RFX1: variants seen among roughly 807,000 people sequenced by gnomAD.
RFX1 encodes MHC class II regulatory factor RFX1.
RFX1 carries 42 observed loss-of-function variants against 119.6 expected under a neutral mutation model. The observed-to-expected ratio is 0.35, with a 90% CI of 0.27 to 0.45. The LOEUF (loss-of-function observed/expected upper bound fraction) is 0.45. RFX1 is among the 20% of genes least tolerant of loss of function. The pLI, the probability that RFX1 is intolerant of heterozygous loss-of-function variation, is 1.00. For synonymous variants in RFX1, 628 were observed against 618.5 expected (o/e 1.02, Z -0.23); for missense variants, 1,118 against 1,368.1 (o/e 0.82, Z 2.88).
At chr19:13,978,112 G>A in intron 7 of RFX1, 26 bp from the exon 8 acceptor site, 1 of 1,573,122 alleles carries the variant, frequency 6.4e-7, no homozygotes, top group Non-Finnish European at 8.7e-7. Flanking sequence ...GGCACGTGGA[G>A]GGTCAGGGGT....
chr19:13,995,661 G>A (rs1428089889), intron 1 of RFX1, among the ~76,000 whole-genome samples: 1 of 152,078 alleles, frequency 6.6e-6, no homozygotes, highest in Non-Finnish European at 1.5e-5. Context: ...GACCAGCCTG[G>A]TCAACATGGC....
In RFX1 at chr19:13,966,129, C is replaced by T. The variant is rs1973888754; in HGVS notation, c.1961+292G>A. Among the ~76,000 whole-genome samples the T allele has an allele frequency of 1.3e-5, 2 of 152,090 alleles. No individual in the cohort carries two copies. The highest frequency in any genetic ancestry group is 2.4e-5 in the African/African-American group (1 of 41,402). On this transcript the variant is annotated intron_variant, in intron 14 of 20. Transcript: ENST00000254325. The surrounding 1 kb of genome is among the most constrained non-coding windows in gnomAD (Gnocchi z 6.3). ...CCCCAGGGTCTGGTTGGCACAGGCC[C>T]GAGGGGTGGGACGGGATCCTATGCC...
In RFX1 at chr19:13,965,995, C is replaced by A. The variant is rs1249068042; in HGVS notation, c.1962-218G>T. On this transcript the variant is annotated intron_variant, in intron 14 of 20. Transcript: ENST00000254325. This position sits in a 1 kb window ranked among gnomAD's most constrained non-coding sequence, Gnocchi z 4.7. ...TCCAGTGCCAGAAGGCACAGGTATA[C>A]CTTGTCCCCAACCCAGGGTCACTGG... 6.6e-6 allele frequency among the ~76,000 whole-genome samples: 1 copy of A among 151,966 alleles called. No homozygotes were observed. The highest frequency in any genetic ancestry group is 1.5e-5 in the Non-Finnish European group (1 of 67,944).
intron 8 of RFX1, among the ~76,000 whole-genome samples, chr19:13,974,563 G>A (rs999165162): frequency 3.3e-5 from 5 of 152,318 alleles, no homozygotes; most frequent in Non-Finnish European, 7.3e-5. Flanking sequence ...ATAAGAGGCA[G>A]AGAAGAGTGG....
At position 13,984,423 on chromosome 19, in the gene RFX1, C is replaced by A. The variant is rs145511809; in HGVS notation, c.320-828G>T. Among the ~76,000 whole-genome samples the A allele has an allele frequency of 3.8e-3, 576 of 152,240 alleles. 5 individuals carry two copies. The highest frequency in any genetic ancestry group is 0.013 in the African/African-American group (545 of 41,546). On this transcript the variant is annotated intron_variant, in intron 2 of 20. Transcript: ENST00000254325. ...CCTCCCCAGCAAAGCGGGGCCTTCG[C>A]GGGGCTGGGGCAGCGCTGCGGGGTG...
Position 13,986,810 on chromosome 19 carries a change from C to G in RFX1, c.320-3215G>C, listed in dbSNP as rs756882113. 1.2e-4 allele frequency among the ~76,000 whole-genome samples: 18 copies of G among 152,120 alleles called. No individual in the cohort carries two copies. Among genetic ancestry groups the G allele is most frequent in the Non-Finnish European group, 2.4e-4 (16 of 68,000 alleles). On this transcript the variant is annotated intron_variant, in intron 2 of 20. Coordinates refer to ENST00000254325, the MANE Select transcript of RFX1 (RefSeq NM_002918.5). The surrounding 1 kb of genome is among the most constrained non-coding windows in gnomAD (Gnocchi z 4.2). The stretch of plus-strand genomic sequence containing the variant: ...ACCTACTCAAACCTTAAATGAGCTA[C>G]TTGGGGGAGCCCAGGGGAGGCCCTA...
chr19:13,963,605 GC>G lies in RFX1; in HGVS notation c.2502del (p.Lys834AsnfsTer27). 2 of 1,603,964 alleles carry G rather than the reference GC, an allele frequency of 1.2e-6. No individual in the cohort carries two copies. Among genetic ancestry groups the G allele is most frequent in the Non-Finnish European group, 1.7e-6 (2 of 1,178,826 alleles). On this transcript the variant is annotated frameshift_variant, in exon 18 of 21. Coordinates refer to ENST00000254325, the MANE Select transcript of RFX1 (RefSeq NM_002918.5). LOFTEE classifies it high-confidence loss of function. ...GGGAAGCCGGCGCTGCCCTGGTAGG[GC>G]TTGAGCACCTGGCTCACCACGCCGT... is the stretch of plus-strand genomic sequence containing the variant. ...WLDGVVSQVL[K>X]PYQGSAGFPK...
At chr19:14,003,684 G>T (rs1310109299) in intron 1 of RFX1, among the ~76,000 whole-genome samples, 3 of 152,100 alleles carry the variant, frequency 2.0e-5, no homozygotes, top group African/African-American at 7.2e-5. Context: ...GACTACCAAG[G>T]ATTACTGCCC....
In RFX1 at chr19:13,965,526, G is replaced by T; in HGVS notation, c.2134C>A (p.Arg712=). The T allele has an allele frequency of 6.2e-7, 1 of 1,613,884 alleles. No individual in the cohort carries two copies. Among genetic ancestry groups the T allele is most frequent in the Non-Finnish European group, 8.5e-7 (1 of 1,179,984 alleles). Residue 712 remains arginine (R), a synonymous_variant, in exon 16 of 21, where the codon CGG becomes AGG. Transcript: ENST00000254325. The surrounding 1 kb of genome is among the most constrained non-coding windows in gnomAD (Gnocchi z 4.7). ...CTCTCCAGGCTCTTGGCAAAGTTCC[G>T]GATCGCTTGGGTCAAGGCACCTGTG... ...PIPSALTQAI[R]NFAKSLESWL... is the part of the protein sequence containing the mutation.
chr19:13,996,718 C>CTTTTT (rs767281958), intron 1 of RFX1, among the ~76,000 whole-genome samples: 24 of 114,432 alleles, frequency 2.1e-4, no homozygotes, highest in South Asian at 2.9e-4. Context: ...GGCTCATTTG[C>CTTTTT]TTTTTTTTTT....
chr19:13,980,704 GAC>G lies in RFX1; in HGVS notation c.622-17_622-16del. 1 of 1,579,994 alleles carries G rather than the reference GAC, an allele frequency of 6.3e-7. No individual in the cohort carries two copies. ...ACCGGCGACTGCTGTAAGGGAAGGAGACACAGGAGTGCCGCTGGGGTGGGCTT... is the reference window on the plus strand; with the variant it reads ...ACCGGCGACTGCTGTAAGGGAAGGAGACAGGAGTGCCGCTGGGGTGGGCTT... On this transcript the variant is annotated splice_polypyrimidine_tract_variant and intron_variant, in intron 5 of 20. Coordinates refer to ENST00000254325, the MANE Select transcript of RFX1 (RefSeq NM_002918.5). This position sits in a 1 kb window ranked among gnomAD's most constrained non-coding sequence, Gnocchi z 5.1.
Position 13,963,242 on chromosome 19 carries a change from G to A in RFX1, c.2604C>T (p.Ser868=). ...GGTGGAAGGAACCGAAGCTGGCGGC[G>A]CTGCGCAGGGTCAGGTCCCGGATCA... ...SMVIRDLTLR[S]AASFGSFHLI... The change falls in exon 19 of 21, where the codon AGC becomes AGT. Residue 868 remains serine, a synonymous_variant. Transcript: ENST00000254325. The A allele has an allele frequency of 1.2e-6, 2 of 1,611,914 alleles. No individual in the cohort carries two copies. Among genetic ancestry groups the A allele is most frequent in the Non-Finnish European group, 1.7e-6 (2 of 1,179,432 alleles).
In RFX1 at chr19:13,966,507, G is replaced by A; in HGVS notation, c.1875C>T (p.Asn625=). Residue 625 remains asparagine (N), a synonymous_variant, in exon 14 of 21, where the codon AAC becomes AAT. Transcript: ENST00000254325. This position sits in a 1 kb window ranked among gnomAD's most constrained non-coding sequence, Gnocchi z 6.3. ...HCEAIVDVMV[N]LQFTLVETLW... ...GCGTCTCCACCAGGGTGAACTGCAG[G>A]TTCACCATGACGTCGACAATGGCCT... 6.3e-7 allele frequency: 1 copy of A among 1,582,268 alleles called. No homozygotes were observed. Among genetic ancestry groups the A allele is most frequent in the Non-Finnish European group, 8.6e-7 (1 of 1,161,250 alleles).
At chr19:13,963,092 C>T in intron 19 of RFX1, 30 bp downstream of exon 19, 1 of 1,607,748 alleles carries the variant, frequency 6.2e-7, no homozygotes, top group Non-Finnish European at 8.5e-7. Context: ...TGGCGCCCCG[C>T]CCGCGCCCCC....
chr19:14,001,156 C>T (rs552380535), intron 1 of RFX1, among the ~76,000 whole-genome samples: 54 of 152,298 alleles, frequency 3.5e-4, no homozygotes, highest in Admixed American at 5.2e-4. Context: ...GGCATGCTGT[C>T]CCCACCGCCA....
rs374107792 is a variant in RFX1 at position 13,977,996 on chromosome 19, C to T, written c.925G>A (p.Ala309Thr). 107 of 1,611,794 alleles carry T rather than the reference C, an allele frequency of 6.6e-5. No homozygotes were observed. Among genetic ancestry groups the T allele is most frequent in the Non-Finnish European group, 8.6e-5 (101 of 1,178,634 alleles). Residue 309 changes from alanine (A) to threonine (T), a missense_variant, in exon 8 of 21, where the codon GCC becomes ACC. Coordinates refer to ENST00000254325, the MANE Select transcript of RFX1 (RefSeq NM_002918.5). Reference sequence around the variant, plus strand: ...CACCCCTCTCCCTTCACTTACATGGCACTGGCCGTGTAGCTGGCATCGCCG... The same window carrying T: ...CACCCCTCTCCCTTCACTTACATGGTACTGGCCGTGTAGCTGGCATCGCCG... Reference protein sequence around the residue: ...EGGDASYTASAIRSSTYSYPE... With the variant: ...EGGDASYTASTIRSSTYSYPE...
chr19:13,992,217 TCACTTGAGC>T (rs564031257), intron 2 of RFX1, among the ~76,000 whole-genome samples: 51 of 152,130 alleles, frequency 3.4e-4, no homozygotes, highest in African/African-American at 1.2e-3. Context: ...GGCAGGAGAA[TCACTTGAGC>T]CCAGGAGTTC....
At position 13,969,217 on chromosome 19, in the gene RFX1, G is replaced by A. The variant is rs959078565; in HGVS notation, c.1497-323C>T. On this transcript the variant is annotated intron_variant, in intron 10 of 20. Coordinates refer to ENST00000254325, the MANE Select transcript of RFX1 (RefSeq NM_002918.5). The surrounding 1 kb of genome is among the most constrained non-coding windows in gnomAD (Gnocchi z 4.5). ...GCAAAGGAGAGGAAGAGAGGGGCGGGTTCTTGGGATGCCTTCTTGTTCCTT... is the reference window on the plus strand; with the variant it reads ...GCAAAGGAGAGGAAGAGAGGGGCGGATTCTTGGGATGCCTTCTTGTTCCTT... Among the ~76,000 whole-genome samples the A allele has an allele frequency of 6.6e-6, 1 of 152,140 alleles. No homozygotes were observed.
At position 13,965,738 on chromosome 19, in the gene RFX1, C is replaced by G. The variant is rs200123215; in HGVS notation, c.2001G>C (p.Leu667=). The G allele has an allele frequency of 6.2e-7, 1 of 1,613,856 alleles. No individual in the cohort carries two copies. The highest frequency in any genetic ancestry group is 2.2e-5 in the East Asian group (1 of 44,882). Residue 667 remains leucine (L), a synonymous_variant, in exon 15 of 21, where the codon CTG becomes CTC. Coordinates refer to ENST00000254325, the MANE Select transcript of RFX1 (RefSeq NM_002918.5). The surrounding 1 kb of genome is among the most constrained non-coding windows in gnomAD (Gnocchi z 4.7). ...EAEKRLPKAI[L]VLLSKFEPVL... is the part of the protein sequence containing the mutation. ...CGGGCTCGAACTTGGAGAGGAGCAC[C>G]AGGATGGCTTTGGGCAGTCGCTTCT...
Sources: gnomAD v4.1 joint callset for allele counts (sites outside exome capture counted in the v4.1 genomes callset) on GRCh38, gnomAD v4.1.1 for gene constraint, Gnocchi (gnomAD v3.1) non-coding constraint, MANE v1.5 for transcripts, NCBI Gene and HGNC (gene_info 2026-07-23, HGNC 2026-07-21) for gene names.